Variants in AGAP1 observed in about 807,000 individuals in gnomAD.
AGAP1 encodes the protein arf-GAP with GTPase, ANK repeat and PH domain-containing protein 1.
In AGAP1, 29 loss-of-function variants were observed where a neutral mutation model predicts 105.3. The ratio of observed to expected loss-of-function variants is 0.28; its 90% confidence interval spans 0.21 to 0.38. The LOEUF is 0.38. AGAP1 is among the 10% of genes least tolerant of loss of function. The pLI is 1.00. For synonymous variants in AGAP1, 509 were observed against 485.9 expected (o/e 1.05, Z -0.63); for missense variants, 998 against 1,165.1 (o/e 0.86, Z 2.09).
chr2:235,852,897 C>T (rs1005815463), intron 9 of AGAP1: 7 of 1,331,692 alleles, frequency 5.3e-6, no homozygotes, highest in Middle Eastern at 2.1e-4. Context: ...CGGCCGATAG[C>T]TTGCAGGCCG....
At chr2:235,937,215 G>A (rs907416057) in intron 12 of AGAP1, among the ~76,000 whole-genome samples, 5 of 152,158 alleles carry the variant, frequency 3.3e-5, no homozygotes, top group Admixed American at 2.0e-4. Context: ...CTGCCTCACC[G>A]CCGGGAGGGC....
chr2:235,701,295 C>G lies in AGAP1; in HGVS notation c.164-7884C>G, dbSNP rs73124462. ...TTCCTTAGAGGAGAAGAGAGAGGACCCAGTCAAATGCTGACGTTGTTGTGA... is the reference window on the plus strand; with the variant it reads ...TTCCTTAGAGGAGAAGAGAGAGGACGCAGTCAAATGCTGACGTTGTTGTGA... On this transcript the variant is annotated intron_variant, in intron 1 of 17. Transcript: ENST00000304032. The surrounding 1 kb of genome is among the most constrained non-coding windows in gnomAD (Gnocchi z 4.1). Among the ~76,000 whole-genome samples the G allele has an allele frequency of 0.076, 11,619 of 151,970 alleles. 1,461 individuals carry two copies. The highest frequency in any genetic ancestry group is 0.26 in the African/African-American group (10,785 of 41,394).
rs1950276185 is a variant in AGAP1, at chr2:235,701,874, TTTC to T, written c.164-7301_164-7299del. Among the ~76,000 whole-genome samples the T allele has an allele frequency of 6.6e-6, 1 of 152,196 alleles. No individual in the cohort carries two copies. The highest frequency in any genetic ancestry group is 2.4e-5 in the African/African-American group (1 of 41,448). ...TCCTCTCCTCTGTGGATGTACCATC[TTTC>T]TTCCATTGTTGTTTTGTTTTATATT... On this transcript the variant is annotated intron_variant, in intron 1 of 17. Transcript: ENST00000304032. The surrounding 1 kb of genome is among the most constrained non-coding windows in gnomAD (Gnocchi z 4.1).
intron 1 of AGAP1, 104 bp downstream of exon 1, chr2:235,494,953 C>A: frequency 8.3e-7 from 1 of 1,208,220 alleles, no homozygotes; most frequent in African/African-American, 1.6e-5. Flanking sequence ...CCGGCCGGGG[C>A]ACGCGGCTGC....
intron 9 of AGAP1, among the ~76,000 whole-genome samples, chr2:235,862,197 ACT>A (rs2106516204): frequency 6.6e-6 from 1 of 151,842 alleles, no homozygotes; most frequent in South Asian, 2.1e-4. Flanking sequence ...CGGGACCATG[ACT>A]CTGATTCGAT....
intron 5 of AGAP1, among the ~76,000 whole-genome samples, chr2:235,745,131 A>G (rs1320904196): frequency 1.3e-5 from 2 of 152,130 alleles, no homozygotes; most frequent in African/African-American, 2.4e-5. Flanking sequence ...GTGTGTGTGT[A>G]TATGTTTTGT....
rs201608946 is a variant in AGAP1, at chr2:235,930,833, C to T, written c.1393C>T (p.Pro465Ser). Residue 465 changes from proline (P) to serine (S), a missense_variant, in exon 12 of 18, where the codon CCC becomes TCC. By Grantham distance (74) the Pro-to-Ser change is moderately conservative (BLOSUM62 -1). Around this residue, in one of 3 missense-constraint regions of AGAP1, gnomAD observed 735 missense variants for 833.4 expected, o/e 0.88. Coordinates refer to ENST00000304032, the MANE Select transcript of AGAP1 (RefSeq NM_001037131.3). This position sits in a 1 kb window ranked among gnomAD's most constrained non-coding sequence, Gnocchi z 7.9. ...GISLVSFNSR[P>S]DGMHQRSYSV... ...CAGCCTGGTCTCCTTCAACAGCCGACCCGACGGCATGCACCAGCGCTCCTA... is the reference window on the plus strand; with the variant it reads ...CAGCCTGGTCTCCTTCAACAGCCGATCCGACGGCATGCACCAGCGCTCCTA... The T allele has an allele frequency of 6.2e-7, 1 of 1,614,018 alleles. No individual in the cohort carries two copies. The highest frequency in any genetic ancestry group is 8.5e-7 in the Non-Finnish European group (1 of 1,180,034).
intron 1 of AGAP1, chr2:235,670,506 C>A (rs552914893): frequency 6.0e-6 from 3 of 496,384 alleles, no homozygotes; most frequent in African/African-American, 4.1e-5. Flanking sequence ...TCGCCCGCGT[C>A]CGGCAGCCCC....
chr2:235,526,462 A>G (rs1942842903), intron 1 of AGAP1, among the ~76,000 whole-genome samples: 1 of 152,224 alleles, frequency 6.6e-6, no homozygotes, highest in African/African-American at 2.4e-5. Flanking sequence ...ACACCTGTTT[A>G]CTTGGAGACT....
intron 1 of AGAP1, among the ~76,000 whole-genome samples, chr2:235,501,893 G>T (rs1367990953): frequency 6.6e-6 from 1 of 152,172 alleles, no homozygotes; most frequent in Non-Finnish European, 1.5e-5. Flanking sequence ...CTGATCTGGT[G>T]CTTAGCTACA....
intron 3 of AGAP1, among the ~76,000 whole-genome samples, chr2:235,727,445 G>A (rs908877280): frequency 6.6e-6 from 1 of 152,152 alleles, no homozygotes; most frequent in African/African-American, 2.4e-5. Context: ...AGAAGCACCT[G>A]GGGTATGTTT....
At chr2:235,548,008 A>T (rs1335648783) in intron 1 of AGAP1, among the ~76,000 whole-genome samples, 1 of 152,238 alleles carries the variant, frequency 6.6e-6, no homozygotes, top group Non-Finnish European at 1.5e-5. Context: ...TAGCGGTGAC[A>T]GCTACAATAT....
At chr2:235,774,483 G>A (rs1245159809) in intron 6 of AGAP1, 3 of 395,574 alleles carry the variant, frequency 7.6e-6, no homozygotes, top group South Asian at 3.8e-5. Flanking sequence ...GTAGGCTAAT[G>A]GGAAAATAAG....
At chr2:235,495,446 C>T (rs775011410) in intron 1 of AGAP1, among the ~76,000 whole-genome samples, 21 of 152,234 alleles carry the variant, frequency 1.4e-4, no homozygotes, top group Non-Finnish European at 2.4e-4. Context: ...TGCTTTGTAC[C>T]AACCAAAAGT....
intron 1 of AGAP1, among the ~76,000 whole-genome samples, chr2:235,673,685 A>G (rs983211369): frequency 6.6e-6 from 1 of 152,208 alleles, no homozygotes; most frequent in African/African-American, 2.4e-5. Context: ...CAGCTAAACT[A>G]TCGTAGACCT....
At chr2:235,497,770 GT>G (rs1363343692) in intron 1 of AGAP1, among the ~76,000 whole-genome samples, 1 of 152,110 alleles carries the variant, frequency 6.6e-6, no homozygotes, top group East Asian at 1.9e-4. Context: ...AATTTTTTCT[GT>G]TTTTTTAGTA....
At chr2:235,955,290 G>A (rs1490851309) in intron 12 of AGAP1, among the ~76,000 whole-genome samples, 2 of 152,096 alleles carry the variant, frequency 1.3e-5, no homozygotes, top group Admixed American at 6.5e-5. Flanking sequence ...TGAGGAGCGG[G>A]GACCTCTCCA....
intron 12 of AGAP1, among the ~76,000 whole-genome samples, chr2:235,956,110 C>T (rs1026653250): frequency 2.0e-5 from 3 of 152,160 alleles, no homozygotes; most frequent in African/African-American, 7.2e-5. Context: ...ACACGTGAAA[C>T]AGAATCTCTT....
chr2:235,502,390 G>A (rs946475295), intron 1 of AGAP1, among the ~76,000 whole-genome samples: 9 of 152,174 alleles, frequency 5.9e-5, no homozygotes, highest in Non-Finnish European at 1.2e-4. Context: ...CGAGGGTGGG[G>A]ACCAGGGCCC....
Sources: allele counts gnomAD v4.1 joint callset (sites outside exome capture counted in the v4.1 genomes callset), GRCh38; gene constraint gnomAD v4.1.1; regional missense constraint gnomAD v4.1.1; non-coding constraint Gnocchi (gnomAD v3.1); transcripts MANE v1.5; gene names NCBI Gene and HGNC (gene_info 2026-07-23, HGNC 2026-07-21).